CMYA5: variants seen among roughly 807,000 people sequenced by gnomAD.
The protein encoded by CMYA5 is cardiomyopathy-associated protein 5.
CMYA5 carries 246 observed loss-of-function variants against 318.9 expected under a neutral mutation model. The observed-to-expected ratio is 0.77, with a 90% CI of 0.70 to 0.86. CMYA5 has a LOEUF of 0.86. Among genes scored for constraint, CMYA5 ranks in the 40% least tolerant of loss-of-function variants. The pLI is 0.00. For missense variants in CMYA5, 4,589 were observed against 4,678.2 expected, an observed-to-expected ratio of 0.98 and a Z score of 0.56; for synonymous variants, 1,641 against 1,729.5, an observed-to-expected ratio of 0.95 and a Z score of 1.27.
intron 1 of CMYA5, among the ~76,000 whole-genome samples, chr5:79,696,558 A>G (rs923579875): frequency 1.3e-5 from 2 of 152,246 alleles, no homozygotes; most frequent in African/African-American, 4.8e-5. Context: ...AGAAATTTAC[A>G]TTCACTGTTA....
intron 11 of CMYA5, among the ~76,000 whole-genome samples, chr5:79,792,734 C>A (rs1225553183): frequency 3.3e-5 from 5 of 152,238 alleles, no homozygotes; most frequent in Admixed American, 3.3e-4. Flanking sequence ...TTCTTGCAAA[C>A]AAGGTCACCC....
Position 79,734,310 on chromosome 5 carries a change from C to A in CMYA5, c.5545C>A (p.Leu1849Met). The A allele has an allele frequency of 6.2e-7, 1 of 1,613,724 alleles. No homozygotes were observed. The highest frequency in any genetic ancestry group is 8.5e-7 in the Non-Finnish European group (1 of 1,179,782). The change falls in exon 2 of 13, where the codon CTG becomes ATG. Residue 1849 changes from leucine (L) to methionine (M), a missense_variant. This residue lies in a region of CMYA5 where 2,132 missense variants were observed against 2,131.3 expected (regional missense o/e 1.00). Transcript: ENST00000446378. ...VSTSSEDKQD[L>M]GIKQFSLMRE... ...CACCTCTTCTGAAGATAAACAAGAT[C>A]TGGGTATTAAGCAGTTTTCACTTAT...
Position 79,735,079 on chromosome 5 carries a change from C to A in CMYA5, c.6314C>A (p.Ser2105Ter), listed in dbSNP as rs1406398626. Residue 2105 changes from serine (S) to a stop codon, truncating the protein, a stop_gained, in exon 2 of 13, where the codon TCA (serine) becomes TAA (stop). Transcript: ENST00000446378. LOFTEE classifies it high-confidence loss of function. ...CCTGAAGAGAAGCCATTGGAAGAATCAAAAATGGTTCAGTCAAAGGTTATT... is the reference window on the plus strand; with the variant it reads ...CCTGAAGAGAAGCCATTGGAAGAATAAAAAATGGTTCAGTCAAAGGTTATT... ...PFPEEKPLEESKMVQSKVIDD... is the reference protein window; with the variant it reads ...PFPEEKPLEE 31 of 1,613,568 alleles carry A rather than the reference C, an allele frequency of 1.9e-5. No homozygotes were observed. Among genetic ancestry groups the A allele is most frequent in the East Asian group, 2.2e-5 (1 of 44,884 alleles).
intron 10 of CMYA5, 35 bp from the exon 11 acceptor site, chr5:79,790,935 G>A (rs1304820679): frequency 7.0e-7 from 1 of 1,437,190 alleles, no homozygotes; most frequent in Non-Finnish European, 9.8e-7. Flanking sequence ...GGTCCTTGTG[G>A]CAATGTTTTA....
At chr5:79,694,582 T>C (rs1827031805) in intron 1 of CMYA5, among the ~76,000 whole-genome samples, 1 of 152,220 alleles carries the variant, frequency 6.6e-6, no homozygotes. Flanking sequence ...CACCTTCAAT[T>C]GCAGCTTTGC....
rs142588786 is a variant in CMYA5, at chr5:79,737,090, A to C, written c.8325A>C (p.Val2775=). Residue 2775 remains valine, a synonymous_variant, in exon 2 of 13, where the codon GTA becomes GTC. Transcript: ENST00000446378. ...CAGAGCTATGGAAAGGTGGTTCAGT[A>C]GATATCACAAAAGAAAGTATGAAAG... is the stretch of plus-strand genomic sequence containing the variant. ...KESELWKGGS[V]DITKESMKEG... is the part of the protein sequence containing the mutation. 1.2e-6 allele frequency: 2 copies of C among 1,613,758 alleles called. No individual in the cohort carries two copies. The highest frequency in any genetic ancestry group is 8.5e-7 in the Non-Finnish European group (1 of 1,179,796).
chr5:79,719,586 C>G (rs74837167), intron 1 of CMYA5, among the ~76,000 whole-genome samples: 6 of 152,174 alleles, frequency 3.9e-5, no homozygotes, highest in African/African-American at 1.4e-4. Flanking sequence ...AAGAAGATCA[C>G]CAGCAAATGT....
chr5:79,747,864 A>T (rs924783245), intron 5 of CMYA5, among the ~76,000 whole-genome samples: 1 of 152,202 alleles, frequency 6.6e-6, no homozygotes, highest in African/African-American at 2.4e-5. Flanking sequence ...AAATTTCTAA[A>T]TTGTAAATAC....
chr5:79,731,000 T>C lies in CMYA5; in HGVS notation c.2235T>C (p.Ala745=). 3 of 1,614,030 alleles carry C rather than the reference T, an allele frequency of 1.9e-6. No individual in the cohort carries two copies. The highest frequency in any genetic ancestry group is 2.5e-6 in the Non-Finnish European group (3 of 1,179,886). Residue 745 remains alanine (A), a synonymous_variant, in exon 2 of 13, where the codon GCT becomes GCC. Transcript: ENST00000446378. Reference sequence around the variant, plus strand: ...AAGACACTGGATCGTTTACTCCAGCTGTGGCCCCTGCTTCTGAGCCCTCTC... The same window carrying C: ...AAGACACTGGATCGTTTACTCCAGCCGTGGCCCCTGCTTCTGAGCCCTCTC... ...EKEDTGSFTP[A]VAPASEPSLS...
intron 6 of CMYA5, 52 bp downstream of exon 6, chr5:79,752,846 T>A (rs1305040451): frequency 7.6e-7 from 1 of 1,308,844 alleles, no homozygotes; most frequent in Non-Finnish European, 1.1e-6. Context: ...AGTTTTTGCT[T>A]GTTTGTTTTG....
chr5:79,748,051 C>G (rs955282715), intron 5 of CMYA5, among the ~76,000 whole-genome samples: 2 of 152,094 alleles, frequency 1.3e-5, no homozygotes, highest in Admixed American at 1.3e-4. Flanking sequence ...TTCTATTCAA[C>G]AGAATATTAC....
Position 79,796,244 on chromosome 5 carries a change from G to T in CMYA5, c.11963+2634G>T, listed in dbSNP as rs575753711. Among the ~76,000 whole-genome samples, 3 of 152,272 alleles carry T rather than the reference G, an allele frequency of 2.0e-5. No individual in the cohort carries two copies. In the South Asian group the frequency reaches 6.2e-4, roughly 32 times the overall value. On this transcript the variant is annotated intron_variant, in intron 12 of 12. Transcript: ENST00000446378. ...GGACCTTCTGCAATAATAGAAAAAT[G>T]GTGCCACACGTGGCTATTAAACACT...
chr5:79,724,247 C>G (rs1221663372), intron 1 of CMYA5, among the ~76,000 whole-genome samples: 1 of 152,070 alleles, frequency 6.6e-6, no homozygotes, highest in Non-Finnish European at 1.5e-5. Flanking sequence ...TTGCTTGAAC[C>G]CGGGAGGCGG....
intron 9 of CMYA5, among the ~76,000 whole-genome samples, chr5:79,771,147 T>G (rs145764845): frequency 1.2e-4 from 18 of 152,214 alleles, no homozygotes; most frequent in African/African-American, 4.3e-4. Flanking sequence ...TTAGGTATGT[T>G]GCCTCATTTA....
rs769210712 is a variant in CMYA5, at chr5:79,735,332, G to A, written c.6567G>A (p.Ser2189=). The change falls in exon 2 of 13, where the codon TCG becomes TCA. Residue 2189 remains serine, a synonymous_variant. Coordinates refer to ENST00000446378, the MANE Select transcript of CMYA5 (RefSeq NM_153610.5). ...KSWMSSLFFG[S]STPDNKVAEQ... is the part of the protein sequence containing the mutation. ...GGATGTCCAGCTTGTTTTTTGGATCGAGCACTCCAGATAACAAAGTTGCTG... is the reference window on the plus strand; with the variant it reads ...GGATGTCCAGCTTGTTTTTTGGATCAAGCACTCCAGATAACAAAGTTGCTG... 9 of 1,613,510 alleles carry A rather than the reference G, an allele frequency of 5.6e-6. No individual in the cohort carries two copies. The highest frequency in any genetic ancestry group is 2.2e-5 in the South Asian group (2 of 91,054).
rs1484583196 is a variant in CMYA5, at chr5:79,732,289, A to G, written c.3524A>G (p.Asp1175Gly). 1.1e-5 allele frequency: 18 copies of G among 1,613,784 alleles called. No individual in the cohort carries two copies. In the African/African-American group the frequency reaches 1.5e-4, roughly 13 times the overall value. Residue 1175 changes from aspartate to glycine, a missense_variant, in exon 2 of 13, where the codon GAT (aspartate) becomes GGT (glycine). By Grantham distance (94) the Asp-to-Gly change is moderately conservative. This residue lies in a region of CMYA5 where 2,132 missense variants were observed against 2,131.3 expected (regional missense o/e 1.00). Transcript: ENST00000446378. ...GCATCTCCACATTCAGTTTTACCTGATTCAGTCCCTGCAATCAAGAAAGAA... is the reference window on the plus strand; with the variant it reads ...GCATCTCCACATTCAGTTTTACCTGGTTCAGTCCCTGCAATCAAGAAAGAA... ...KPASPHSVLPDSVPAIKKEQE... is the reference protein window; with the variant it reads ...KPASPHSVLPGSVPAIKKEQE...
intron 1 of CMYA5, among the ~76,000 whole-genome samples, chr5:79,690,585 G>T (rs1361528071): frequency 6.6e-6 from 1 of 152,072 alleles, no homozygotes; most frequent in Admixed American, 6.5e-5. Context: ...TTCAAGTCCT[G>T]GTCCCAAATC....
chr5:79,797,689 A>G (rs892775617), intron 12 of CMYA5, among the ~76,000 whole-genome samples: 6 of 152,270 alleles, frequency 3.9e-5, no homozygotes, highest in Admixed American at 3.3e-4. Context: ...GTGGCCACAC[A>G]TGTCTAGTGG....
chr5:79,690,723 A>G lies in CMYA5; in HGVS notation c.149+667A>G, dbSNP rs1012598004. Among the ~76,000 whole-genome samples, 3 of 152,114 alleles carry G rather than the reference A, an allele frequency of 2.0e-5. No individual in the cohort carries two copies. In the East Asian group the frequency reaches 5.8e-4, roughly 29 times the overall value. ...AAATGAGAATAATAGAAATCATCTA[A>G]TGTCTATTTGGATTAGCTTCTACCT... is the stretch of plus-strand genomic sequence containing the variant. On this transcript the variant is annotated intron_variant, in intron 1 of 12. Transcript: ENST00000446378.
Sources: allele counts gnomAD v4.1 joint callset (sites outside exome capture counted in the v4.1 genomes callset), GRCh38; gene constraint gnomAD v4.1.1; regional missense constraint gnomAD v4.1.1; transcripts MANE v1.5; gene names NCBI Gene and HGNC (gene_info 2026-07-23, HGNC 2026-07-21).